The following DTNBP1 variants were observed in gnomAD, a reference collection of about 807,000 sequenced individuals.
The protein encoded by DTNBP1 is dystrobrevin binding protein 1.
Under a neutral mutation model 42.8 loss-of-function variants are expected in DTNBP1, and 35 were observed. The ratio of observed to expected loss-of-function variants is 0.82; its 90% CI spans 0.63 to 1.09. DTNBP1 has a LOEUF of 1.09. Among genes scored for constraint, DTNBP1 ranks in the 50% least tolerant of loss-of-function variants. The probability of loss-of-function intolerance (pLI) is 0.00; values close to 1 mark genes in which losing one functional copy is unlikely to be tolerated. For synonymous variants in DTNBP1, 171 were observed against 162.2 expected (o/e 1.05, Z -0.41); for missense variants, 457 against 424.2 (o/e 1.08, Z -0.68).
intron 9 of DTNBP1, chr6:15,523,439 A>T (rs1772062302): frequency 7.9e-7 from 1 of 1,268,644 alleles, no homozygotes; most frequent in Admixed American, 2.6e-5. Context: ...TCCCCTAAGG[A>T]GTCAGCCACA....
At chr6:15,592,780 T>C (rs1271316465) in intron 7 of DTNBP1, among the ~76,000 whole-genome samples, 4 of 152,164 alleles carry the variant, frequency 2.6e-5, no homozygotes, top group Non-Finnish European at 5.9e-5. Flanking sequence ...GAAACCAGAA[T>C]CTTCTTAAAC....
intron 6 of DTNBP1, among the ~76,000 whole-genome samples, chr6:15,609,847 A>T (rs1323378261): frequency 6.6e-6 from 1 of 152,198 alleles, no homozygotes; most frequent in Non-Finnish European, 1.5e-5. Context: ...GAGCAGACCT[A>T]GCTGTTTCAC....
intron 1 of DTNBP1, among the ~76,000 whole-genome samples, chr6:15,657,001 T>G (rs1313934502): frequency 6.6e-6 from 1 of 152,212 alleles, no homozygotes; most frequent in African/African-American, 2.4e-5. Context: ...CATTTTCACA[T>G]CAGTGTTCAT....
chr6:15,652,036 G>A (rs773738730), intron 2 of DTNBP1, 51 bp downstream of exon 2: 2 of 1,524,272 alleles, frequency 1.3e-6, no homozygotes, highest in African/African-American at 1.4e-5. Flanking sequence ...TACACCAAAA[G>A]TTGTATGAAA....
At position 15,662,932 on chromosome 6, in the gene DTNBP1, G is replaced by A. The variant is rs767833649; in HGVS notation, c.-63C>T. ...CTGCTGCTGCCTCTGTCGCCCCCTG[G>A]GTCCCACGCCGCCAACCCCGCGCTG... On this transcript the variant is annotated 5_prime_UTR_variant, in exon 1 of 10. Transcript: ENST00000344537. 13 of 1,595,016 alleles carry A rather than the reference G, an allele frequency of 8.2e-6. No individual in the cohort carries two copies. In the Admixed American group the frequency reaches 1.8e-4, roughly 23 times the overall value.
intron 7 of DTNBP1, among the ~76,000 whole-genome samples, chr6:15,584,029 A>G (rs1775950288): frequency 6.6e-6 from 1 of 152,190 alleles, no homozygotes; most frequent in African/African-American, 2.4e-5. Context: ...TCTTAGAAAT[A>G]AACTGTCTTA....
At chr6:15,661,943 GTAAC>G (rs886432165) in intron 1 of DTNBP1, among the ~76,000 whole-genome samples, 3 of 152,196 alleles carry the variant, frequency 2.0e-5, no homozygotes, top group East Asian at 1.9e-4. Context: ...AGGCAGCTGA[GTAAC>G]TACGTTTGAT....
chr6:15,606,278 T>C (rs1758047263), intron 6 of DTNBP1, among the ~76,000 whole-genome samples: 1 of 152,244 alleles, frequency 6.6e-6, no homozygotes, highest in Non-Finnish European at 1.5e-5. Flanking sequence ...GAATGTATTC[T>C]CTCTGCTGGG....
At chr6:15,597,360 A>G (rs1776555930) in intron 6 of DTNBP1, among the ~76,000 whole-genome samples, 1 of 152,202 alleles carries the variant, frequency 6.6e-6, no homozygotes, top group Non-Finnish European at 1.5e-5. Context: ...ACTGATGATG[A>G]TGGGCAACAT....
At chr6:15,609,168 C>CTTT (rs200792425) in intron 6 of DTNBP1, among the ~76,000 whole-genome samples, 3 of 142,872 alleles carry the variant, frequency 2.1e-5, no homozygotes, top group Admixed American at 2.1e-4. Flanking sequence ...TTGCTACCTT[C>CTTT]TTTTTTTTTT....
Position 15,592,819 on chromosome 6 carries a change from A to G in DTNBP1, c.511+240T>C, listed in dbSNP as rs1312139053. ...GATTCTCAACAACCTCAAAGTTAGCACTGCACCTTCCTAACACACCACTTA... is the reference window on the plus strand; with the variant it reads ...GATTCTCAACAACCTCAAAGTTAGCGCTGCACCTTCCTAACACACCACTTA... On this transcript the variant is annotated intron_variant, in intron 7 of 9. Coordinates refer to ENST00000344537, the MANE Select transcript of DTNBP1 (RefSeq NM_032122.5). Among the ~76,000 whole-genome samples the G allele has an allele frequency of 2.0e-5, 3 of 152,196 alleles. No homozygotes were observed. In the East Asian group the frequency reaches 5.8e-4, roughly 29 times the overall value.
intron 4 of DTNBP1, among the ~76,000 whole-genome samples, chr6:15,632,210 A>C (rs1759735181): frequency 6.6e-6 from 1 of 151,994 alleles, no homozygotes; most frequent in Non-Finnish European, 1.5e-5. Context: ...AAATCACTTA[A>C]TTTTTCACGG....
chr6:15,627,365 T>C lies in DTNBP1; in HGVS notation c.333A>G (p.Leu111=), dbSNP rs1331693227. 13 of 1,613,814 alleles carry C rather than the reference T, an allele frequency of 8.1e-6. No individual in the cohort carries two copies. The highest frequency in any genetic ancestry group is 1.1e-5 in the Non-Finnish European group (13 of 1,179,924). ...LQQLPALIAD[L]ESMTANLTHL... The stretch of plus-strand genomic sequence containing the variant: ...TACTCAGATTTGCTGTCATGGATTC[T>C]AAGTCTGCGATTAAAGCTGGGAGCT... Residue 111 remains leucine, a synonymous_variant, in exon 5 of 10, where the codon TTA becomes TTG. Coordinates refer to ENST00000344537, the MANE Select transcript of DTNBP1 (RefSeq NM_032122.5).
At chr6:15,589,285 C>A (rs1581365980) in intron 7 of DTNBP1, among the ~76,000 whole-genome samples, 1 of 152,306 alleles carries the variant, frequency 6.6e-6, no homozygotes, top group East Asian at 1.9e-4. Context: ...CAAATTTAGC[C>A]ATCATCATCA....
At chr6:15,620,800 A>G (rs1759000329) in intron 5 of DTNBP1, among the ~76,000 whole-genome samples, 3 of 152,222 alleles carry the variant, frequency 2.0e-5, no homozygotes. Context: ...TTTGAAGCAC[A>G]AGCTTAAAAA....
At chr6:15,645,800 A>G (rs1427777338) in intron 3 of DTNBP1, among the ~76,000 whole-genome samples, 1 of 152,098 alleles carries the variant, frequency 6.6e-6, no homozygotes. Context: ...AAATACTAAG[A>G]GCCATATATG....
intron 8 of DTNBP1, among the ~76,000 whole-genome samples, chr6:15,529,884 G>A (rs776885689): frequency 2.5e-4 from 38 of 151,828 alleles, no homozygotes; most frequent in Non-Finnish European, 4.1e-4. Context: ...GGCCTGTGGG[G>A]CATGTGGTGG....
intron 3 of DTNBP1, among the ~76,000 whole-genome samples, chr6:15,641,323 C>T (rs925874371): frequency 6.6e-6 from 1 of 152,098 alleles, no homozygotes; most frequent in East Asian, 1.9e-4. Context: ...AAATTCTAGA[C>T]AGAAAACTGA....
intron 3 of DTNBP1, among the ~76,000 whole-genome samples, chr6:15,640,963 C>T (rs775153486): frequency 6.6e-5 from 10 of 152,158 alleles, no homozygotes; most frequent in Non-Finnish European, 1.5e-4. Flanking sequence ...CCAATAAGGA[C>T]CCTGTGCTCC....
Sources: allele counts gnomAD v4.1 joint callset (sites outside exome capture counted in the v4.1 genomes callset), GRCh38; gene constraint gnomAD v4.1.1; transcripts MANE v1.5; gene names NCBI Gene and HGNC (gene_info 2026-07-23, HGNC 2026-07-21).